Variants in EMILIN2 observed in about 807,000 individuals in gnomAD.
EMILIN2 encodes the protein EMILIN-2.
A neutral mutation model predicts 87.1 loss-of-function variants in EMILIN2; 71 were observed. That is an observed-to-expected ratio of 0.82 (90% confidence interval 0.67 to 0.99). The LOEUF (loss-of-function observed/expected upper bound fraction) is 0.99, where lower values mean the gene tolerates loss of function less well. Among genes scored for constraint, EMILIN2 ranks in the 50% least tolerant of loss-of-function variants. EMILIN2 has a pLI of 0.00. For missense variants in EMILIN2, 1,407 were observed against 1,371.8 expected, an observed-to-expected ratio of 1.03 and a Z score of -0.40; for synonymous variants, 581 against 563.4, an observed-to-expected ratio of 1.03 and a Z score of -0.44.
intron 2 of EMILIN2, among the ~76,000 whole-genome samples, chr18:2,869,094 C>T (rs924251805): frequency 6.6e-6 from 1 of 151,938 alleles, no homozygotes; most frequent in Non-Finnish European, 1.5e-5. Context: ...TAATCTGATA[C>T]ATTTTTAAAA....
At position 2,904,491 on chromosome 18, in the gene EMILIN2, T is replaced by C. The variant is rs150634299; in HGVS notation, c.2360-2292T>C. ...CCTATTGATCATCATTTCGTCATCA[T>C]GTTCTACCTTCTGAAAGATTTCCTT... On this transcript the variant is annotated intron_variant, in intron 4 of 7. Coordinates refer to ENST00000254528, the MANE Select transcript of EMILIN2 (RefSeq NM_032048.3). 1.8e-3 allele frequency among the ~76,000 whole-genome samples: 281 copies of C among 152,362 alleles called. 2 individuals are homozygous for C. Among genetic ancestry groups the C allele is most frequent in the Non-Finnish European group, 2.3e-3 (159 of 68,036 alleles).
Position 2,913,640 on chromosome 18 carries a change from G to GTTTT in EMILIN2, c.*236_*237insTTTT. 8.4e-6 allele frequency: 3 copies of GTTTT among 359,176 alleles called. No homozygotes were observed. Among genetic ancestry groups the GTTTT allele is most frequent in the Non-Finnish European group, 4.9e-6 (1 of 202,026 alleles). The allele number at this position is 359,176 out of a possible 1,614,324, so 22.2% of individuals were successfully genotyped here. On this transcript the variant is annotated 3_prime_UTR_variant, in exon 8 of 8. Coordinates refer to ENST00000254528, the MANE Select transcript of EMILIN2 (RefSeq NM_032048.3). ...TTTCTGCCACTCTAACTGGACAACT[G>GTTTT]GAAGACTTGGAAAGGCCTCCACCTG...
chr18:2,913,249 G>A lies in EMILIN2; in HGVS notation c.3007G>A (p.Gly1003Arg), dbSNP rs752231019. The change falls in exon 8 of 8, where the codon GGG becomes AGG. Residue 1003 changes from glycine (G) to arginine (R), a missense_variant. By Grantham distance (125) the Gly-to-Arg change is moderately radical. Transcript: ENST00000254528. ...CCCTCCAGGAGCTTTGCATACCTGC[G>A]GGGGCCCGGGGGCATTCCACCTCAT... Reference protein sequence around the residue: ...HRPPGALHTCGGPGAFHLIVH... With the variant: ...HRPPGALHTCRGPGAFHLIVH... The A allele has an allele frequency of 2.3e-5, 37 of 1,613,774 alleles. No homozygotes were observed. The highest frequency in any genetic ancestry group is 1.2e-4 in the Admixed American group (7 of 59,984).
At chr18:2,893,721 T>G (rs1311352649) in intron 4 of EMILIN2, among the ~76,000 whole-genome samples, 2 of 152,188 alleles carry the variant, frequency 1.3e-5, no homozygotes, top group African/African-American at 4.8e-5. Flanking sequence ...ACACTTTCTA[T>G]GTACAGCACT....
chr18:2,882,660 A>G (rs1394668183), intron 2 of EMILIN2, among the ~76,000 whole-genome samples: 1 of 152,174 alleles, frequency 6.6e-6, no homozygotes, highest in African/African-American at 2.4e-5. Flanking sequence ...GGGTGGGTAG[A>G]TCACCTGAGG....
At chr18:2,907,598 G>C (rs2076920891) in intron 5 of EMILIN2, among the ~76,000 whole-genome samples, 1 of 152,224 alleles carries the variant, frequency 6.6e-6, no homozygotes, top group Admixed American at 6.5e-5. Flanking sequence ...TGCCCCACTG[G>C]GAAGTGCTCC....
chr18:2,849,766 A>G (rs2076593576), intron 2 of EMILIN2, among the ~76,000 whole-genome samples: 1 of 152,260 alleles, frequency 6.6e-6, no homozygotes. Context: ...TGTGAAGTTT[A>G]AGAAACAAAG....
chr18:2,875,544 C>T (rs1000473446), intron 2 of EMILIN2, among the ~76,000 whole-genome samples: 6 of 152,144 alleles, frequency 3.9e-5, no homozygotes, highest in African/African-American at 1.4e-4. Context: ...ATCAAGTCTT[C>T]GATGGTTCAG....
intron 2 of EMILIN2, among the ~76,000 whole-genome samples, chr18:2,875,608 C>A (rs1398210147): frequency 1.3e-5 from 2 of 152,204 alleles, no homozygotes; most frequent in African/African-American, 4.8e-5. Context: ...CCCCACCTCC[C>A]CACGCTTAGG....
intron 2 of EMILIN2, among the ~76,000 whole-genome samples, chr18:2,866,216 C>T (rs9957148): frequency 1.6e-3 from 237 of 152,270 alleles, no homozygotes; most frequent in African/African-American, 4.9e-3. Context: ...ACCCACTGTC[C>T]GACACTCCCC....
chr18:2,909,545 G>T, intron 6 of EMILIN2, 146 bp from the exon 7 acceptor site: 2 of 957,936 alleles, frequency 2.1e-6, no homozygotes, highest in Non-Finnish European at 1.6e-6. Context: ...TCTGGCTGTT[G>T]GGCATGAGGA....
At chr18:2,903,380 C>G (rs2076896769) in intron 4 of EMILIN2, among the ~76,000 whole-genome samples, 1 of 152,158 alleles carries the variant, frequency 6.6e-6, no homozygotes, top group Non-Finnish European at 1.5e-5. Context: ...TAAAATAACA[C>G]TAAGAAGCTC....
chr18:2,874,667 T>C (rs2076738676), intron 2 of EMILIN2, among the ~76,000 whole-genome samples: 1 of 152,242 alleles, frequency 6.6e-6, no homozygotes, highest in Non-Finnish European at 1.5e-5. Flanking sequence ...TAGCCTGGAC[T>C]ATGGAAGAAA....
intron 3 of EMILIN2, among the ~76,000 whole-genome samples, chr18:2,889,251 T>C (rs372492563): frequency 1.6e-4 from 24 of 151,222 alleles, no homozygotes; most frequent in Non-Finnish European, 3.1e-4. Context: ...GATTTTTCTG[T>C]CTCAGCCTCC....
rs2076782585 is a variant in EMILIN2 at position 2,882,697 on chromosome 18, A to C, written c.258-2267A>C. Among the ~76,000 whole-genome samples, 3 of 152,196 alleles carry C rather than the reference A, an allele frequency of 2.0e-5. No homozygotes were observed. The South Asian group carries it at 6.2e-4, about 32-fold the overall frequency. On this transcript the variant is annotated intron_variant, in intron 2 of 7. Transcript: ENST00000254528. ...CAGGAGTTCAAGACCAGCCCAGCCA[A>C]CATGGTGAAACTATGTCTCTACTAA...
chr18:2,850,488 C>T (rs780936170), intron 2 of EMILIN2, among the ~76,000 whole-genome samples: 2 of 151,744 alleles, frequency 1.3e-5, no homozygotes, highest in Non-Finnish European at 2.9e-5. Flanking sequence ...TCACTGCAAC[C>T]TCTAACTGTT....
At chr18:2,873,697 A>G (rs1227440656) in intron 2 of EMILIN2, among the ~76,000 whole-genome samples, 7 of 151,420 alleles carry the variant, frequency 4.6e-5, no homozygotes, top group East Asian at 1.9e-4. Flanking sequence ...ACAGAGCAAG[A>G]CTCCATCTCA....
At chr18:2,905,749 C>G (rs1205512777) in intron 4 of EMILIN2, among the ~76,000 whole-genome samples, 1 of 150,900 alleles carries the variant, frequency 6.6e-6, no homozygotes, top group Admixed American at 6.6e-5. Context: ...ATTACAGGTG[C>G]GCTCCACTAC....
Position 2,915,846 on chromosome 18 carries a change from G to C in EMILIN2, c.*2442G>C, listed in dbSNP as rs572626627. The C allele has an allele frequency of 6.6e-6, 1 of 152,262 alleles. No individual in the cohort carries two copies. Among genetic ancestry groups the C allele is most frequent in the African/African-American group, 2.4e-5 (1 of 41,508 alleles). The allele number at this position is 152,262 out of a possible 1,614,324, so 9.4% of individuals were successfully genotyped here. ...CCAAGTTCACAACTTCTGATATCAA[G>C]TTGTTGCTGAGAAAAGGTCAGGACA... On this transcript the variant is annotated 3_prime_UTR_variant, in exon 8 of 8. Transcript: ENST00000254528.
Sources: gnomAD v4.1 joint callset for allele counts (sites outside exome capture counted in the v4.1 genomes callset) on GRCh38, gnomAD v4.1.1 for gene constraint, MANE v1.5 for transcripts, NCBI Gene and HGNC (gene_info 2026-07-23, HGNC 2026-07-21) for gene names.